ANO7: variants seen among roughly 807,000 people sequenced by gnomAD.
The protein encoded by ANO7 is anoctamin-7.
A neutral mutation model predicts 115.8 loss-of-function variants in ANO7; 114 were observed. The ratio of observed to expected loss-of-function variants is 0.98; its 90% CI spans 0.85 to 1.15. The LOEUF (loss-of-function observed/expected upper bound fraction) is 1.15, where lower values mean the gene tolerates loss of function less well. Among genes scored for constraint, ANO7 ranks in the 50% most tolerant of loss-of-function variants. ANO7 has a pLI of 0.00. For synonymous variants in ANO7, 550 were observed against 498.2 expected, an observed-to-expected ratio of 1.10 and a Z score of -1.38; for missense variants, 1,302 against 1,201.2, an observed-to-expected ratio of 1.08 and a Z score of -1.24.
At chr2:241,193,022 C>T (rs1020593331) in intron 3 of ANO7, among the ~76,000 whole-genome samples, 5 of 152,008 alleles carry the variant, frequency 3.3e-5, no homozygotes, top group African/African-American at 9.7e-5. Flanking sequence ...GACCTGTACA[C>T]TTAAATGTGG....
At chr2:241,229,458 G>T, downstream of ANO7, 1 of 641,778 alleles carries the variant, frequency 1.6e-6, no homozygotes, top group South Asian at 1.9e-5. Flanking sequence ...ACAGCCAGGC[G>T]CTAGGCTCCC....
the ANO7 span, chr2:241,235,360 G>C: frequency 6.5e-7 from 1 of 1,545,234 alleles, no homozygotes; most frequent in Non-Finnish European, 8.9e-7. Context: ...CACCCGCCGT[G>C]AAGGGAAGTC....
At chr2:241,193,071 T>C (rs1457127143) in intron 3 of ANO7, among the ~76,000 whole-genome samples, 1 of 152,004 alleles carries the variant, frequency 6.6e-6, no homozygotes, top group African/African-American at 2.4e-5. Context: ...GTTTTTTGTT[T>C]TTTGTTTTTT....
the ANO7 span, chr2:241,236,277 G>A: frequency 3.1e-6 from 1 of 327,080 alleles, no homozygotes; most frequent in Non-Finnish European, 5.7e-6. Context: ...CCCCACTCAC[G>A]CGGGGGGAGA....
At position 241,217,792 on chromosome 2, in the gene ANO7, C is replaced by T. The variant is rs757561418; in HGVS notation, c.2079C>T (p.Phe693=). The change falls in exon 20 of 25, where the codon TTC becomes TTT. Residue 693 remains phenylalanine (F), a synonymous_variant. Transcript: ENST00000674324. ...AGATCCGCTTGGACGCGCGCAAGTT[C>T]GTCTGCGAGTACCGGCGCCCGGTGG... ...WVEIRLDARK[F]VCEYRRPVAE... 3 of 1,610,382 alleles carry T rather than the reference C, an allele frequency of 1.9e-6. No individual in the cohort carries two copies. Among genetic ancestry groups the T allele is most frequent in the Admixed American group, 3.3e-5 (2 of 59,792 alleles).
At position 241,223,287 on chromosome 2, in the gene ANO7, C is replaced by T. The variant is rs762691461; in HGVS notation, c.2412+11C>T. Reference sequence around the variant, plus strand: ...GTCATTGTGTTTGAGGTAGCCGAGGCACCTGCTGGTTCTCCCATCCATGGC... The same window carrying T: ...GTCATTGTGTTTGAGGTAGCCGAGGTACCTGCTGGTTCTCCCATCCATGGC... On this transcript the variant is annotated intron_variant, in intron 22 of 24. Transcript: ENST00000674324. 16 of 1,613,856 alleles carry T rather than the reference C, an allele frequency of 9.9e-6. No individual in the cohort carries two copies. Among genetic ancestry groups the T allele is most frequent in the Non-Finnish European group, 1.3e-5 (15 of 1,179,764 alleles).
At position 241,203,640 on chromosome 2, in the gene ANO7, T is replaced by C. The variant is rs2068524228; in HGVS notation, c.889+142T>C. 1 of 593,932 alleles carries C rather than the reference T, an allele frequency of 1.7e-6. No individual in the cohort carries two copies. Among genetic ancestry groups the C allele is most frequent in the African/African-American group, 2.0e-5 (1 of 51,064 alleles). 36.8% of individuals were successfully genotyped at this position (593,932 alleles called of 1,614,324 possible). ...GGCGCAGCTCTTGGCTCGACCGGGC[T>C]GCCCTCCTGGCTCCCCTCAAGCCCA... is the stretch of plus-strand genomic sequence containing the variant. On this transcript the variant is annotated intron_variant, in intron 9 of 24. Coordinates refer to ENST00000674324, the MANE Select transcript of ANO7 (RefSeq NM_001370694.2). The surrounding 1 kb of genome is among the most constrained non-coding windows in gnomAD (Gnocchi z 4.8).
In ANO7 at chr2:241,210,407, G is replaced by C. The variant is rs373623924; in HGVS notation, c.1458+14G>C. ...CTCGCAGCCTGGGTGAGCCTCTGCTGCCTGCCTCGGGGGGCCCTGAGCGGC... is the reference window on the plus strand; with the variant it reads ...CTCGCAGCCTGGGTGAGCCTCTGCTCCCTGCCTCGGGGGGCCCTGAGCGGC... On this transcript the variant is annotated intron_variant, in intron 14 of 24. Coordinates refer to ENST00000674324, the MANE Select transcript of ANO7 (RefSeq NM_001370694.2). The C allele has an allele frequency of 6.9e-5, 111 of 1,613,796 alleles. No homozygotes were observed. The highest frequency in any genetic ancestry group is 2.2e-4 in the Admixed American group (13 of 60,002).
Position 241,203,332 on chromosome 2 carries a change from G to C in ANO7, c.724-1G>C. 1.3e-6 allele frequency: 2 copies of C among 1,534,672 alleles called. No homozygotes were observed. Among genetic ancestry groups the C allele is most frequent in the Non-Finnish European group, 1.8e-6 (2 of 1,141,876 alleles). On this transcript the variant is annotated splice_acceptor_variant, in intron 8 of 24. Transcript: ENST00000674324. LOFTEE classifies it high-confidence loss of function. This position sits in a 1 kb window ranked among gnomAD's most constrained non-coding sequence, Gnocchi z 4.8. ...CCCACCCACAGGCCGCTCGCCCCCAGGGCCCCTTCAAGACGCCCCCAGAGG... is the reference window on the plus strand; with the variant it reads ...CCCACCCACAGGCCGCTCGCCCCCACGGCCCCTTCAAGACGCCCCCAGAGG...
intron 21 of ANO7, among the ~76,000 whole-genome samples, chr2:241,221,835 G>A (rs916995328): frequency 2.0e-5 from 3 of 151,216 alleles, no homozygotes; most frequent in East Asian, 4.0e-4. Flanking sequence ...CTGCCACCAT[G>A]CCCAGCTACT....
At position 241,219,519 on chromosome 2, in the gene ANO7, T is replaced by C. The variant is rs541003523; in HGVS notation, c.2321+1138T>C. ...TTGCTTATTTGGAACCGATGGCATA[T>C]ATTTCTATTATTTTAGGGGTTACTC... is the stretch of plus-strand genomic sequence containing the variant. On this transcript the variant is annotated intron_variant, in intron 21 of 24. Coordinates refer to ENST00000674324, the MANE Select transcript of ANO7 (RefSeq NM_001370694.2). 3.3e-5 allele frequency among the ~76,000 whole-genome samples: 5 copies of C among 152,198 alleles called. No homozygotes were observed. The South Asian group carries it at 1.0e-3, about 32-fold the overall frequency.
At chr2:241,200,906 G>A (rs1056533377) in intron 6 of ANO7, among the ~76,000 whole-genome samples, 7 of 152,198 alleles carry the variant, frequency 4.6e-5, no homozygotes, top group Admixed American at 4.6e-4. Context: ...GAGCACCCTC[G>A]GCCCCATGAC....
rs1262354633 is a variant in ANO7, at chr2:241,212,629, G to C, written c.1728+3G>C. ...TGTTTGGAGTCCGCAATGAGGAGGTGAGTGTGCCTGAGGCCCGGGACTGGG... is the reference window on the plus strand; with the variant it reads ...TGTTTGGAGTCCGCAATGAGGAGGTCAGTGTGCCTGAGGCCCGGGACTGGG... On this transcript the variant is annotated splice_donor_region_variant and intron_variant, in intron 17 of 24. Coordinates refer to ENST00000674324, the MANE Select transcript of ANO7 (RefSeq NM_001370694.2). The C allele has an allele frequency of 6.2e-7, 1 of 1,611,932 alleles. No homozygotes were observed. The highest frequency in any genetic ancestry group is 8.5e-7 in the Non-Finnish European group (1 of 1,179,060).
downstream of ANO7, chr2:241,229,757 G>A (rs1023302291): frequency 1.4e-5 from 23 of 1,605,494 alleles, no homozygotes; most frequent in Non-Finnish European, 1.9e-5. Context: ...CGACGCAGTT[G>A]CCACCCTCAG....
chr2:241,221,811 G>A (rs1359075869), intron 21 of ANO7, among the ~76,000 whole-genome samples: 1 of 151,670 alleles, frequency 6.6e-6, no homozygotes, highest in Non-Finnish European at 1.5e-5. Context: ...CTGAGTAGCT[G>A]GGATTACAGG....
intron 19 of ANO7, 32 bp from the exon 20 acceptor site, chr2:241,217,654 C>A: frequency 1.9e-6 from 3 of 1,549,732 alleles, no homozygotes; most frequent in Non-Finnish European, 1.7e-6. Context: ...CGGACGGTGG[C>A]GGAGAGCCCG....
At position 241,225,476 on chromosome 2, in the gene ANO7, G is replaced by C. The variant is rs1255061307; in HGVS notation, c.*1323G>C. ...GGAGGCGGAGGTTGTAGTGAGCTGA[G>C]ATCTCAACACTGCACTACAGCCTGG... On this transcript the variant is annotated 3_prime_UTR_variant, in exon 25 of 25. Transcript: ENST00000674324. 1.3e-5 allele frequency: 2 copies of C among 152,194 alleles called. No homozygotes were observed. Among genetic ancestry groups the C allele is most frequent in the East Asian group, 3.9e-4 (2 of 5,192 alleles). The allele number at this position is 152,194 out of a possible 1,614,324, so 9.4% of individuals were successfully genotyped here. A position where few individuals can be genotyped will look rare whatever the true frequency, so the allele number is the denominator to read the frequency against.
the ANO7 span, among the ~76,000 whole-genome samples, chr2:241,239,361 T>G: frequency 1.3e-5 from 2 of 152,036 alleles, no homozygotes; most frequent in Non-Finnish European, 2.9e-5. This position sits in a 1 kb window ranked among gnomAD's most constrained non-coding sequence, Gnocchi z 4.6. Context: ...CCTCTCCTCT[T>G]CTCCTTCTCT....
At chr2:241,216,348 G>T in intron 19 of ANO7, 110 bp downstream of exon 19, 3 of 1,345,490 alleles carry the variant, frequency 2.2e-6, no homozygotes, top group Non-Finnish European at 2.0e-6. Context: ...CATCTGCCCT[G>T]AAATGTGCTG....
Sources: allele counts gnomAD v4.1 joint callset (sites outside exome capture counted in the v4.1 genomes callset), GRCh38; gene constraint gnomAD v4.1.1; non-coding constraint Gnocchi (gnomAD v3.1); transcripts MANE v1.5; gene names NCBI Gene and HGNC (gene_info 2026-07-23, HGNC 2026-07-21).